The following FRAS1 variants were observed in gnomAD, a reference collection of about 807,000 sequenced individuals.
FRAS1 encodes the protein extracellular matrix organizing protein FRAS1.
Under a neutral mutation model 435.2 loss-of-function variants are expected in FRAS1, and 290 were observed. The ratio of observed to expected loss-of-function variants is 0.67; its 90% CI spans 0.61 to 0.73. The LOEUF is 0.73. Among genes scored for constraint, FRAS1 ranks in the 30% least tolerant of loss-of-function variants. FRAS1 has a pLI of 0.00. For missense variants in FRAS1, 4,860 were observed against 5,001.5 expected (o/e 0.97, Z 0.85); for synonymous variants, 1,800 against 1,851.0 (o/e 0.97, Z 0.71).
At chr4:78,438,462 A>T in intron 38 of FRAS1, 108 bp from the exon 39 acceptor site, 1 of 1,058,318 alleles carries the variant, frequency 9.4e-7, no homozygotes, top group South Asian at 1.5e-5. Flanking sequence ...AAAGAGAAAG[A>T]GACTTTTCCA....
At chr4:78,443,297 G>A (rs1490202692) in intron 41 of FRAS1, among the ~76,000 whole-genome samples, 2 of 152,204 alleles carry the variant, frequency 1.3e-5, no homozygotes, top group Non-Finnish European at 2.9e-5. Flanking sequence ...ATTTGAGGCT[G>A]TGGTGAGCTG....
chr4:78,100,640 C>G (rs961779892), intron 2 of FRAS1, among the ~76,000 whole-genome samples: 6 of 152,218 alleles, frequency 3.9e-5, no homozygotes, highest in Admixed American at 1.3e-4. Context: ...TATTATCTGT[C>G]ATGATCTTGA....
Position 78,421,958 on chromosome 4 carries a change from GC to G in FRAS1, c.4637del (p.Ala1546GlufsTer20). The G allele has an allele frequency of 6.2e-7, 1 of 1,613,278 alleles. No individual in the cohort carries two copies. ...CAAAGTCATGTACCGCCCTCCCCCG[GC>G]AGCACCCCACCTCCAGGAGCTCATG... The part of the protein sequence containing the change: ...QGKVMYRPPP[A>X]APHLQELMAF... On this transcript the variant is annotated frameshift_variant, in exon 34 of 74. Transcript: ENST00000512123. LOFTEE classifies it high-confidence loss of function.
At chr4:78,308,033 A>T in intron 14 of FRAS1, 33 bp from the exon 15 acceptor site, 1 of 1,571,066 alleles carries the variant, frequency 6.4e-7, no homozygotes, top group Non-Finnish European at 8.7e-7. Context: ...TTTCTGCCGT[A>T]GATTACTCAC....
chr4:78,171,934 C>T (rs139640206), intron 2 of FRAS1, among the ~76,000 whole-genome samples: 31 of 152,270 alleles, frequency 2.0e-4, no homozygotes, highest in Non-Finnish European at 3.1e-4. Context: ...ACCCTAAAAG[C>T]TTCTCTATGC....
chr4:78,242,647 G>A (rs1239107579), intron 3 of FRAS1, among the ~76,000 whole-genome samples: 3 of 152,178 alleles, frequency 2.0e-5, no homozygotes, highest in Non-Finnish European at 1.5e-5. Context: ...TGATGGCCAG[G>A]CTGGTCTCTA....
chr4:78,290,133 C>T (rs918915569), intron 14 of FRAS1, among the ~76,000 whole-genome samples: 1 of 152,044 alleles, frequency 6.6e-6, no homozygotes, highest in African/African-American at 2.4e-5. Context: ...ACCAACAACA[C>T]GCACCATGTA....
At chr4:78,244,715 A>G (rs6533550) in intron 3 of FRAS1, among the ~76,000 whole-genome samples, 146,507 of 152,242 alleles carry the variant, frequency 0.96, 70,724 homozygotes, top group East Asian at 1. Flanking sequence ...TCAGCTTACC[A>G]CAGTGTGTAT....
At chr4:78,319,608 A>G (rs1729419278) in intron 18 of FRAS1, 7 of 311,662 alleles carry the variant, frequency 2.2e-5, no homozygotes, top group South Asian at 1.5e-4. Flanking sequence ...TGTATTTTTC[A>G]TTGTAAACAT....
rs1722029260 is a variant in FRAS1, at chr4:78,540,911, T to G, written c.11826T>G (p.Ile3942Met). ...GGAAGAAGAAGCCCGCAGAGGACAT[T>G]TTGGAAGAATATCCTCTGAATACCA... Reference protein sequence around the residue: ...KQRKKKPAEDILEEYPLNTKV... With the variant: ...KQRKKKPAEDMLEEYPLNTKV... Residue 3942 changes from isoleucine (I) to methionine (M), a missense_variant, in exon 74 of 74, where the codon ATT (isoleucine) becomes ATG (methionine). Ile to Met is a conservative substitution (Grantham distance 10). Coordinates refer to ENST00000512123, the MANE Select transcript of FRAS1 (RefSeq NM_025074.7). 1 of 1,613,838 alleles carries G rather than the reference T, an allele frequency of 6.2e-7. No individual in the cohort carries two copies. Among genetic ancestry groups the G allele is most frequent in the African/African-American group, 1.3e-5 (1 of 74,890 alleles).
At chr4:78,496,382 G>GTTT (rs1720507156) in intron 59 of FRAS1, among the ~76,000 whole-genome samples, 1 of 152,164 alleles carries the variant, frequency 6.6e-6, no homozygotes. Context: ...CAAAGGAAAA[G>GTTT]AAGTGTTACT....
chr4:78,399,047 T>C, intron 29 of FRAS1, among the ~76,000 whole-genome samples: 1 of 152,234 alleles, frequency 6.6e-6, no homozygotes, highest in Non-Finnish European at 1.5e-5. Context: ...ATAGAGCCTT[T>C]TCCCTCAGAA....
intron 2 of FRAS1, among the ~76,000 whole-genome samples, chr4:78,151,171 C>T (rs1720642953): frequency 6.6e-6 from 1 of 152,102 alleles, no homozygotes; most frequent in African/African-American, 2.4e-5. Context: ...CTGAATTATA[C>T]TGTATTTATT....
At chr4:78,091,978 C>CAA (rs34804542) in intron 2 of FRAS1, among the ~76,000 whole-genome samples, 16,011 of 82,120 alleles carry the variant, frequency 0.19, 2,169 homozygotes, top group African/African-American at 0.36. Context: ...GAGACTGTCT[C>CAA]AAAAAAAAAA....
intron 2 of FRAS1, among the ~76,000 whole-genome samples, chr4:78,167,098 A>G (rs932033679): frequency 7.2e-5 from 11 of 152,228 alleles, no homozygotes; most frequent in Non-Finnish European, 1.5e-4. Context: ...TGCCCTAACT[A>G]ATAATACCAA....
rs1265077193 is a variant in FRAS1, at chr4:78,057,726, G to A, written c.-284G>A. On this transcript the variant is annotated 5_prime_UTR_variant, in exon 1 of 74. Coordinates refer to ENST00000512123, the MANE Select transcript of FRAS1 (RefSeq NM_025074.7). This position sits in a 1 kb window ranked among gnomAD's most constrained non-coding sequence, Gnocchi z 4.2. ...ATTTTGACGCGGAGAACTGTGCTCT[G>A]CCTCCTCTTATTCTCCCAAAGCTCA... 2 of 510,718 alleles carry A rather than the reference G, an allele frequency of 3.9e-6. No individual in the cohort carries two copies. Among genetic ancestry groups the A allele is most frequent in the African/African-American group, 3.8e-5 (2 of 52,292 alleles). 31.6% of individuals were successfully genotyped at this position (510,718 alleles called of 1,614,324 possible).
intron 2 of FRAS1, among the ~76,000 whole-genome samples, chr4:78,088,619 G>T (rs1319817338): frequency 6.6e-6 from 1 of 152,104 alleles, no homozygotes; most frequent in Non-Finnish European, 1.5e-5. Context: ...GTGGGCAAAG[G>T]ATATGAACAG....
At chr4:78,088,413 C>A (rs539654656) in intron 2 of FRAS1, among the ~76,000 whole-genome samples, 2 of 151,800 alleles carry the variant, frequency 1.3e-5, no homozygotes, top group South Asian at 4.2e-4. Context: ...GCCACAAAAG[C>A]CAAAATTGAC....
At chr4:78,305,139 C>T (rs1358830695) in intron 14 of FRAS1, among the ~76,000 whole-genome samples, 1 of 151,848 alleles carries the variant, frequency 6.6e-6, no homozygotes, top group Non-Finnish European at 1.5e-5. Context: ...CATTCAGGAG[C>T]AGGTTGTTCA....
Sources: allele counts gnomAD v4.1 joint callset (sites outside exome capture counted in the v4.1 genomes callset), GRCh38; gene constraint gnomAD v4.1.1; non-coding constraint Gnocchi (gnomAD v3.1); transcripts MANE v1.5; gene names NCBI Gene and HGNC (gene_info 2026-07-23, HGNC 2026-07-21).